Variants in XPO6 observed in about 807,000 individuals in gnomAD.
The protein encoded by XPO6 is exportin-6.
Under a neutral mutation model 130.0 loss-of-function variants are expected in XPO6, and 3 were observed. The observed-to-expected ratio is 0.02, with a 90% CI of 0.01 to 0.06. The LOEUF (loss-of-function observed/expected upper bound fraction) is 0.06, where lower values mean the gene tolerates loss of function less well. XPO6 is among the 10% of genes least tolerant of loss of function. The pLI, the probability that XPO6 is intolerant of heterozygous loss-of-function variation, is 1.00. For synonymous variants in XPO6, 524 were observed against 548.9 expected, an observed-to-expected ratio of 0.95 and a Z score of 0.63; for missense variants, 970 against 1,393.0, an observed-to-expected ratio of 0.70 and a Z score of 4.83.
At chr16:28,155,292 TC>T (rs2043165659) in intron 7 of XPO6, among the ~76,000 whole-genome samples, 1 of 152,140 alleles carries the variant, frequency 6.6e-6, no homozygotes, top group African/African-American at 2.4e-5. Flanking sequence ...TGCTTGAAAG[TC>T]CCTAAACCGT....
intron 1 of XPO6, among the ~76,000 whole-genome samples, chr16:28,201,129 C>T (rs1429015214): frequency 1.3e-5 from 2 of 152,188 alleles, no homozygotes; most frequent in Non-Finnish European, 2.9e-5. Flanking sequence ...CCACCCCCCA[C>T]AGCACTTGTT....
intron 1 of XPO6, among the ~76,000 whole-genome samples, chr16:28,192,058 G>A (rs927852465): frequency 1.7e-4 from 26 of 152,036 alleles, no homozygotes; most frequent in African/African-American, 4.1e-4. Flanking sequence ...TCAGGAGTTC[G>A]AGACCAGCCT....
intron 17 of XPO6, among the ~76,000 whole-genome samples, chr16:28,108,711 G>C (rs2086842762): frequency 6.6e-6 from 1 of 152,182 alleles, no homozygotes; most frequent in African/African-American, 2.4e-5. Flanking sequence ...CCTCCCACTT[G>C]GCAGCAGTCT....
chr16:28,151,885 A>T (rs1449077131), intron 8 of XPO6, among the ~76,000 whole-genome samples: 1 of 152,178 alleles, frequency 6.6e-6, no homozygotes, highest in Non-Finnish European at 1.5e-5. Flanking sequence ...AAAAACTAAG[A>T]TAAAACACAC....
At chr16:28,174,214 T>C (rs920861109) in intron 4 of XPO6, among the ~76,000 whole-genome samples, 1 of 152,152 alleles carries the variant, frequency 6.6e-6, no homozygotes, top group Non-Finnish European at 1.5e-5. Flanking sequence ...TCAGGTCCTG[T>C]GCACTTCCTA....
intron 1 of XPO6, among the ~76,000 whole-genome samples, chr16:28,204,372 T>A (rs7204453): frequency 6.6e-6 from 1 of 151,432 alleles, no homozygotes; most frequent in Non-Finnish European, 1.5e-5. Context: ...ACTGGAAAAG[T>A]GACTCGAGGC....
chr16:28,139,495 C>G (rs549471898), intron 9 of XPO6, among the ~76,000 whole-genome samples: 4 of 152,300 alleles, frequency 2.6e-5, no homozygotes, highest in African/African-American at 9.6e-5. Context: ...ATGGCAATGT[C>G]TGGGTAAATC....
chr16:28,158,094 T>G (rs755365271), intron 6 of XPO6, among the ~76,000 whole-genome samples: 1 of 152,096 alleles, frequency 6.6e-6, no homozygotes, highest in Non-Finnish European at 1.5e-5. Context: ...AAAGATACAG[T>G]TAAATTAAAA....
At position 28,186,374 on chromosome 16, in the gene XPO6, C is replaced by CTTTTTTTTTTTTTTTTT. The variant is rs60754642; in HGVS notation, c.4-5360_4-5344dup. On this transcript the variant is annotated intron_variant, in intron 1 of 23. Transcript: ENST00000304658. Reference sequence around the variant, plus strand: ...TATAGATTTTTCTGCCCCAGTTATTCTTTTTTTTTTTTTTTTTGCTAAAGA... The same window carrying CTTTTTTTTTTTTTTTTT: ...TATAGATTTTTCTGCCCCAGTTATTCTTTTTTTTTTTTTTTTTTTTTTTTTTTTTTTTTTGCTAAAGA... Among the ~76,000 whole-genome samples the CTTTTTTTTTTTTTTTTT allele has an allele frequency of 6.8e-3, 557 of 81,410 alleles. 105 individuals are homozygous for CTTTTTTTTTTTTTTTTT. The highest frequency in any genetic ancestry group is 0.048 in the Middle Eastern group (4 of 84). 53.4% of individuals were successfully genotyped at this position (81,410 alleles called of 152,430 possible).
intron 2 of XPO6, 124 bp downstream of exon 2, chr16:28,180,816 GA>G: frequency 1.4e-6 from 1 of 694,514 alleles, no homozygotes; most frequent in Non-Finnish European, 2.2e-6. Flanking sequence ...GAACCAGAGC[GA>G]AAAGAGCAAG....
At chr16:28,169,531 C>A (rs542497822) in intron 5 of XPO6, among the ~76,000 whole-genome samples, 1 of 152,314 alleles carries the variant, frequency 6.6e-6, no homozygotes, top group Admixed American at 6.5e-5. Flanking sequence ...ACAGTGAAGA[C>A]CACTTCGTGA....
At chr16:28,143,828 G>T (rs2042937274) in intron 9 of XPO6, among the ~76,000 whole-genome samples, 1 of 152,060 alleles carries the variant, frequency 6.6e-6, no homozygotes, top group Non-Finnish European at 1.5e-5. Context: ...GTAGAGACAG[G>T]GTTTCACCTT....
At chr16:28,128,998 T>A (rs765754500) in intron 12 of XPO6, among the ~76,000 whole-genome samples, 1 of 152,196 alleles carries the variant, frequency 6.6e-6, no homozygotes, top group Admixed American at 6.5e-5. Context: ...CAACTATGGG[T>A]ACCTAGCATC....
chr16:28,101,044 T>G lies in XPO6; in HGVS notation c.3276+414A>C, dbSNP rs2141225964. ...GGAACCTGGGTCCCACCTCTAACCCTGGGGACCCAGAAGTGCAGCTCCCAA... is the reference window on the plus strand; with the variant it reads ...GGAACCTGGGTCCCACCTCTAACCCGGGGGACCCAGAAGTGCAGCTCCCAA... On this transcript the variant is annotated intron_variant, in intron 23 of 23. Transcript: ENST00000304658. This position sits in a 1 kb window ranked among gnomAD's most constrained non-coding sequence, Gnocchi z 5.4. 1 of 294,144 alleles carries G rather than the reference T, an allele frequency of 3.4e-6. No individual in the cohort carries two copies. 18.2% of individuals were successfully genotyped at this position (294,144 alleles called of 1,614,324 possible).
rs757518457 is a variant in XPO6 at position 28,101,927 on chromosome 16, G to A, written c.2965C>T (p.Leu989Phe). 2.0e-5 allele frequency: 33 copies of A among 1,614,092 alleles called. No individual in the cohort carries two copies. The highest frequency in any genetic ancestry group is 2.8e-5 in the Non-Finnish European group (33 of 1,180,008). Residue 989 changes from leucine to phenylalanine, a missense_variant, in exon 22 of 24, where the codon CTC becomes TTC. Transcript: ENST00000304658. This position sits in a 1 kb window ranked among gnomAD's most constrained non-coding sequence, Gnocchi z 5.4. ...AIMQAFGQSF[L>F]QPDIHLFKQN... ...TTAAAAAGGTGGATGTCGGGCTGGA[G>A]AAAGGACTGTCCGAAAGCCTAGGAA...
rs74014266 is a variant in XPO6 at position 28,211,369 on chromosome 16, G to A, written c.-1C>T. On this transcript the variant is annotated 5_prime_UTR_variant, in exon 1 of 24. Transcript: ENST00000304658. ...AGGGGGCTCCAATTCCACTTACCATGCTGGCCGGGGAGGGGGCGGCTCAGA... is the reference window on the plus strand; with the variant it reads ...AGGGGGCTCCAATTCCACTTACCATACTGGCCGGGGAGGGGGCGGCTCAGA... The A allele has an allele frequency of 0.02, 26,902 of 1,312,374 alleles. 2,111 individuals carry two copies. Among genetic ancestry groups the A allele is most frequent in the East Asian group, 0.19 (6,660 of 35,622 alleles). 81.3% of individuals were successfully genotyped at this position (1,312,374 alleles called of 1,614,324 possible).
chr16:28,182,245 T>C (rs770766679), intron 1 of XPO6, among the ~76,000 whole-genome samples: 1 of 152,164 alleles, frequency 6.6e-6, no homozygotes, highest in Non-Finnish European at 1.5e-5. Flanking sequence ...CATGTCAAAC[T>C]GTAGTATACC....
At chr16:28,173,151 A>G (rs1260508987) in intron 4 of XPO6, 2 of 152,218 alleles carry the variant, frequency 1.3e-5, no homozygotes, top group Admixed American at 1.3e-4. Flanking sequence ...ATGCCTTTTT[A>G]TATCAGGGAC....
In XPO6 at chr16:28,111,952, T is replaced by C; in HGVS notation, c.2206A>G (p.Asn736Asp). Residue 736 changes from asparagine to aspartate, a missense_variant, in exon 17 of 24, where the codon AAC becomes GAC. This residue lies in a region of XPO6 where 936 missense variants were observed against 1,306.8 expected (regional missense o/e 0.72). Transcript: ENST00000304658. ...CACTGCTGCTCATTCTCTGGAAGGT[T>C]TGGCCACGGAAGCAGCAAGATGTTA... is the stretch of plus-strand genomic sequence containing the variant. The part of the protein sequence containing the change: ...LSNILLLPWP[N>D]LPENEQQWPV... 2 of 1,614,030 alleles carry C rather than the reference T, an allele frequency of 1.2e-6. No individual in the cohort carries two copies. The highest frequency in any genetic ancestry group is 1.7e-6 in the Non-Finnish European group (2 of 1,179,984).
Sources: allele counts gnomAD v4.1 joint callset (sites outside exome capture counted in the v4.1 genomes callset), GRCh38; gene constraint gnomAD v4.1.1; regional missense constraint gnomAD v4.1.1; non-coding constraint Gnocchi (gnomAD v3.1); transcripts MANE v1.5; gene names NCBI Gene and HGNC (gene_info 2026-07-23, HGNC 2026-07-21).